Variants in STK3 observed in about 807,000 individuals in gnomAD.
STK3 encodes serine/threonine-protein kinase 3.
STK3 carries 41 observed loss-of-function variants against 58.0 expected under a neutral mutation model. The observed-to-expected ratio is 0.71, with a 90% CI of 0.55 to 0.92. The LOEUF (loss-of-function observed/expected upper bound fraction) is 0.92, where lower values mean the gene tolerates loss of function less well. STK3 is among the 40% of genes least tolerant of loss of function. The pLI is 0.00. For synonymous variants in STK3, 170 were observed against 191.0 expected, an observed-to-expected ratio of 0.89 and a Z score of 0.91; for missense variants, 479 against 602.7, an observed-to-expected ratio of 0.79 and a Z score of 2.15.
chr8:98,663,550 T>A (rs1001401540), intron 6 of STK3, among the ~76,000 whole-genome samples: 1 of 152,214 alleles, frequency 6.6e-6, no homozygotes, highest in African/African-American at 2.4e-5. Flanking sequence ...TAAATCATGC[T>A]GCTATAAAGA....
the STK3 span, among the ~76,000 whole-genome samples, chr8:98,345,353 G>A: frequency 8.6e-5 from 13 of 152,016 alleles, no homozygotes; most frequent in Admixed American, 3.3e-4. Context: ...ACACACTGAA[G>A]GCATCAGGTA....
chr8:98,811,388 T>C (rs1834206471), intron 1 of STK3, among the ~76,000 whole-genome samples: 1 of 152,192 alleles, frequency 6.6e-6, no homozygotes, highest in Non-Finnish European at 1.5e-5. Flanking sequence ...TAATGAGTCA[T>C]AAGTGTTACT....
At chr8:98,458,268 C>A (rs1470602570) in intron 10 of STK3, among the ~76,000 whole-genome samples, 5 of 151,954 alleles carry the variant, frequency 3.3e-5, no homozygotes, top group African/African-American at 1.2e-4. Flanking sequence ...CTGCTTTGGG[C>A]AGTAAGGTCT....
chr8:98,712,377 T>C (rs1587387468), intron 4 of STK3, among the ~76,000 whole-genome samples: 3 of 152,264 alleles, frequency 2.0e-5, no homozygotes, highest in East Asian at 3.9e-4. Context: ...GTGTGCTGTA[T>C]TCAGGAAACC....
intron 4 of STK3, among the ~76,000 whole-genome samples, chr8:98,730,646 G>A (rs527637712): frequency 6.9e-6 from 1 of 144,388 alleles, no homozygotes; most frequent in South Asian, 2.2e-4. Context: ...AACATGGGAA[G>A]CAGAGGTTGC....
chr8:98,865,558 G>A (rs574019333), intron 3 of STK3, among the ~76,000 whole-genome samples: 1 of 152,182 alleles, frequency 6.6e-6, no homozygotes, highest in South Asian at 2.1e-4. Flanking sequence ...TTTAGAGATG[G>A]TGTCTCACTG....
intron 3 of STK3, among the ~76,000 whole-genome samples, chr8:98,835,930 G>C (rs1835729203): frequency 6.6e-6 from 1 of 152,192 alleles, no homozygotes; most frequent in African/African-American, 2.4e-5. Context: ...GCTGGGCATG[G>C]TGGTTCACGC....
In STK3 at chr8:98,465,618, T is replaced by C. The variant is rs1820405554; in HGVS notation, c.1318-9618A>G. 2.6e-5 allele frequency among the ~76,000 whole-genome samples: 4 copies of C among 152,330 alleles called. No homozygotes were observed. In the South Asian group the frequency reaches 8.3e-4, roughly 32 times the overall value. ...CCCTTTGGGATAGATTTCCTAATGT[T>C]ATCAATAAATGTAACAGAGATACCC... On this transcript the variant is annotated intron_variant, in intron 10 of 10. Coordinates refer to ENST00000419617, the MANE Select transcript of STK3 (RefSeq NM_006281.4).
Position 98,455,642 on chromosome 8 carries a change from C to T in STK3, c.*200G>A. 1.7e-6 allele frequency: 1 copy of T among 597,166 alleles called. No homozygotes were observed. 37.0% of individuals were successfully genotyped at this position (597,166 alleles called of 1,614,324 possible). ...AAGAGAATACACTTCTTTTGTTCTC[C>T]TCATCTTAGAGTGAATGCACAGCAG... On this transcript the variant is annotated 3_prime_UTR_variant, in exon 11 of 11. Transcript: ENST00000419617.
intron 6 of STK3, among the ~76,000 whole-genome samples, chr8:98,660,491 G>A (rs1394707021): frequency 2.0e-5 from 3 of 152,014 alleles, no homozygotes; most frequent in South Asian, 2.1e-4. Flanking sequence ...TTTTTCTTAC[G>A]GGCAAAGAAA....
At chr8:98,429,277 G>A in intron 3 of STK3, 2 of 1,614,126 alleles carry the variant, frequency 1.2e-6, no homozygotes, top group Non-Finnish European at 1.7e-6. Flanking sequence ...TGTGACTTTG[G>A]AGATGGAATG....
At chr8:98,883,948 G>A in intron 1 of STK3, 1 of 505,418 alleles carries the variant, frequency 2.0e-6, no homozygotes, top group South Asian at 3.1e-5. Context: ...AGGGAGGGGA[G>A]AGCAAAGGAA....
At chr8:98,472,218 A>C (rs896980672) in intron 10 of STK3, among the ~76,000 whole-genome samples, 2 of 152,204 alleles carry the variant, frequency 1.3e-5, no homozygotes, top group Admixed American at 6.5e-5. Context: ...CTTAAACACT[A>C]TACAATGCAG....
chr8:98,553,889 C>A (rs1426437041), intron 8 of STK3, among the ~76,000 whole-genome samples: 2 of 151,600 alleles, frequency 1.3e-5, no homozygotes, highest in African/African-American at 4.9e-5. Flanking sequence ...CATTTGAACC[C>A]GGGAGGCAGA....
chr8:98,674,563 C>T (rs1190633369), intron 6 of STK3, among the ~76,000 whole-genome samples: 1 of 152,044 alleles, frequency 6.6e-6, no homozygotes, highest in Non-Finnish European at 1.5e-5. Context: ...TTCTATATAT[C>T]AAACTTAACA....
chr8:98,738,705 G>C (rs749014910), intron 4 of STK3, among the ~76,000 whole-genome samples: 1 of 152,182 alleles, frequency 6.6e-6, no homozygotes, highest in East Asian at 1.9e-4. Flanking sequence ...GAGGTACCAG[G>C]TTCATCTCAC....
intron 3 of STK3, among the ~76,000 whole-genome samples, chr8:98,867,068 T>C (rs1837172185): frequency 2.0e-5 from 3 of 152,196 alleles, no homozygotes; most frequent in South Asian, 2.1e-4. Flanking sequence ...CACTACATTA[T>C]ATTATTTCAT....
intron 10 of STK3, among the ~76,000 whole-genome samples, chr8:98,473,922 T>C (rs902007903): frequency 3.9e-5 from 6 of 152,212 alleles, no homozygotes; most frequent in Non-Finnish European, 7.4e-5. Context: ...ATCTCTAATA[T>C]AGATCTGTCT....
chr8:98,789,314 G>A (rs1315855851), intron 1 of STK3, among the ~76,000 whole-genome samples: 2 of 152,178 alleles, frequency 1.3e-5, no homozygotes, highest in East Asian at 1.9e-4. Flanking sequence ...AAGTCTGAAA[G>A]AGCACAGACA....
Sources: allele counts gnomAD v4.1 joint callset (sites outside exome capture counted in the v4.1 genomes callset), GRCh38; gene constraint gnomAD v4.1.1; transcripts MANE v1.5; gene names NCBI Gene and HGNC (gene_info 2026-07-23, HGNC 2026-07-21).